The following ARHGAP26 variants were observed in gnomAD, a reference collection of about 807,000 sequenced individuals.
The protein encoded by ARHGAP26 is Rho GTPase activating protein 26.
Under a neutral mutation model 104.8 loss-of-function variants are expected in ARHGAP26, and 38 were observed. That is an observed-to-expected ratio of 0.36 (90% CI 0.28 to 0.48). The LOEUF is 0.48. ARHGAP26 is among the 20% of genes least tolerant of loss of function. The probability of loss-of-function intolerance (pLI) is 0.99; values close to 1 mark genes in which losing one functional copy is unlikely to be tolerated. For missense variants in ARHGAP26, 704 were observed against 947.9 expected (o/e 0.74, Z 3.38); for synonymous variants, 341 against 340.0 (o/e 1.00, Z -0.03).
At chr5:143,054,619 G>T (rs1785526845) in intron 15 of ARHGAP26, 93 bp downstream of exon 15, 1 of 894,304 alleles carries the variant, frequency 1.1e-6, no homozygotes. Flanking sequence ...GAGAGCTGTC[G>T]GGTGGGTGTT....
intron 11 of ARHGAP26, among the ~76,000 whole-genome samples, chr5:142,970,719 G>A (rs1479811024): frequency 1.2e-4 from 19 of 152,312 alleles, no homozygotes; most frequent in African/African-American, 2.2e-4. Context: ...GAGAATCAAG[G>A]TGTTGTTACC....
At chr5:143,014,038 G>A in intron 11 of ARHGAP26, 42 bp from the exon 12 acceptor site, 1 of 1,593,450 alleles carries the variant, frequency 6.3e-7, no homozygotes. Flanking sequence ...CTATAGGGTG[G>A]CATAAAATGC....
At chr5:142,984,342 A>T (rs1774365682) in intron 11 of ARHGAP26, among the ~76,000 whole-genome samples, 1 of 152,226 alleles carries the variant, frequency 6.6e-6, no homozygotes, top group Non-Finnish European at 1.5e-5. Context: ...TGATTAAGGA[A>T]GAAAAGGAAA....
At chr5:143,184,807 GA>G (rs1325764664) in intron 20 of ARHGAP26, among the ~76,000 whole-genome samples, 1 of 152,158 alleles carries the variant, frequency 6.6e-6, no homozygotes, top group Non-Finnish European at 1.5e-5. Context: ...TCAAGAGACT[GA>G]AAAAGGGGAG....
intron 20 of ARHGAP26, among the ~76,000 whole-genome samples, chr5:143,183,358 C>T (rs1221483513): frequency 6.6e-6 from 1 of 152,094 alleles, no homozygotes; most frequent in African/African-American, 2.4e-5. Context: ...CTGATCTTAT[C>T]GTGGGGATTG....
intron 11 of ARHGAP26, among the ~76,000 whole-genome samples, chr5:142,965,607 A>G (rs1218869024): frequency 6.6e-6 from 1 of 152,244 alleles, no homozygotes; most frequent in Non-Finnish European, 1.5e-5. Flanking sequence ...GGATTATTAT[A>G]ATATTGGAAT....
intron 20 of ARHGAP26, among the ~76,000 whole-genome samples, chr5:143,199,682 G>A (rs956774971): frequency 1.3e-5 from 2 of 152,166 alleles, no homozygotes; most frequent in East Asian, 3.8e-4. Context: ...CCGGTGATCC[G>A]AGGCTCAGCC....
chr5:142,995,546 G>A lies in ARHGAP26; in HGVS notation c.1108-18534G>A, dbSNP rs188256388. Among the ~76,000 whole-genome samples, 308 of 152,298 alleles carry A rather than the reference G, an allele frequency of 2.0e-3. 2 individuals carry two copies. Among genetic ancestry groups the A allele is most frequent in the Middle Eastern group, 3.4e-3 (1 of 294 alleles). On this transcript the variant is annotated intron_variant, in intron 11 of 22. Coordinates refer to ENST00000645722, the MANE Select transcript of ARHGAP26 (RefSeq NM_001135608.3). ...GGAAAGGATGTGGAGAAATAGGAACGCTTTTACACTGTTGGTGGGAGTGTA... is the reference window on the plus strand; with the variant it reads ...GGAAAGGATGTGGAGAAATAGGAACACTTTTACACTGTTGGTGGGAGTGTA...
At chr5:143,185,553 CTTTTCCAAAAGCAAAT>C (rs550713455) in intron 20 of ARHGAP26, among the ~76,000 whole-genome samples, 220 of 152,226 alleles carry the variant, frequency 1.4e-3, no homozygotes, top group Middle Eastern at 6.8e-3. Context: ...TTTATTTTTG[CTTTTCCAAAAGCAAAT>C]TTTTCCAAAA....
rs142487256 is a variant in ARHGAP26, at chr5:142,796,656, A to G, written c.154+25741A>G. 1.6e-3 allele frequency among the ~76,000 whole-genome samples: 239 copies of G among 152,352 alleles called. 1 individual carries two copies. Among genetic ancestry groups the G allele is most frequent in the African/African-American group, 5.6e-3 (234 of 41,580 alleles). ...TTTAGGATAAAGTTCAGACGTCTTG[A>G]TAGGGCTTTCTGAGCCCTGTGGACT... On this transcript the variant is annotated intron_variant, in intron 1 of 22. Coordinates refer to ENST00000645722, the MANE Select transcript of ARHGAP26 (RefSeq NM_001135608.3).
At position 143,037,213 on chromosome 5, in the gene ARHGAP26, A is replaced by T; in HGVS notation, c.1162A>T (p.Ile388Phe). Residue 388 changes from isoleucine (I) to phenylalanine (F), a missense_variant, in exon 13 of 23, where the codon ATT becomes TTT. By Grantham distance (21) the Ile-to-Phe change is conservative (BLOSUM62 0). This residue lies in a region of ARHGAP26 where 287 missense variants were observed against 438.8 expected (regional missense o/e 0.65). Transcript: ENST00000645722. The stretch of plus-strand genomic sequence containing the variant: ...TCTTTCAGCTGCGCAGTTGGACAGC[A>T]TTGGCTTCAGCATAATCAGGAAATG... ...QSEGTAQLDS[I>F]GFSIIRKCIH... is the part of the protein sequence containing the mutation. The T allele has an allele frequency of 6.2e-7, 1 of 1,604,392 alleles. No individual in the cohort carries two copies. The highest frequency in any genetic ancestry group is 8.5e-7 in the Non-Finnish European group (1 of 1,172,770).
intron 17 of ARHGAP26, among the ~76,000 whole-genome samples, chr5:143,065,477 C>T (rs1467453889): frequency 6.6e-6 from 1 of 152,218 alleles, no homozygotes; most frequent in African/African-American, 2.4e-5. Flanking sequence ...GGCATAAGAG[C>T]ACAGTGGTGA....
At chr5:142,792,515 C>CA (rs1760062489) in intron 1 of ARHGAP26, among the ~76,000 whole-genome samples, 1 of 152,190 alleles carries the variant, frequency 6.6e-6, no homozygotes, top group Non-Finnish European at 1.5e-5. Flanking sequence ...GACATCTAAG[C>CA]ACTAGAGACT....
intron 11 of ARHGAP26, among the ~76,000 whole-genome samples, chr5:143,006,605 C>T (rs1402753971): frequency 1.3e-5 from 2 of 152,086 alleles, no homozygotes; most frequent in Admixed American, 6.6e-5. Flanking sequence ...AGCTGAGAAA[C>T]AGAAAAGTAG....
intron 11 of ARHGAP26, among the ~76,000 whole-genome samples, chr5:142,992,975 CTTTATT>C (rs1328848722): frequency 6.6e-6 from 1 of 151,836 alleles, no homozygotes; most frequent in Non-Finnish European, 1.5e-5. Context: ...GTCCTAAGTT[CTTTATT>C]TTTATTTTTA....
Position 143,227,477 on chromosome 5 carries a change from G to A in ARHGAP26, c.*5031G>A, listed in dbSNP as rs375573725. 2.2e-4 allele frequency: 50 copies of A among 231,322 alleles called. No homozygotes were observed. Among genetic ancestry groups the A allele is most frequent in the African/African-American group, 9.9e-4 (45 of 45,334 alleles). The allele number at this position is 231,322 out of a possible 1,614,324, so 14.3% of individuals were successfully genotyped here. ...CTCAAATGTGTTTGGCAGCCACACC[G>A]ATCGGCTGGGTGCTGAACCGCCTCT... On this transcript the variant is annotated 3_prime_UTR_variant, in exon 23 of 23. Transcript: ENST00000645722.
At chr5:143,093,702 C>T (rs1214330936) in intron 17 of ARHGAP26, among the ~76,000 whole-genome samples, 6 of 152,030 alleles carry the variant, frequency 3.9e-5, no homozygotes, top group African/African-American at 1.4e-4. Context: ...TAGTCTTTCC[C>T]TGCCTCTGCC....
At chr5:143,165,691 G>T (rs895974776) in intron 20 of ARHGAP26, among the ~76,000 whole-genome samples, 1 of 152,160 alleles carries the variant, frequency 6.6e-6, no homozygotes, top group Admixed American at 6.5e-5. Context: ...TACCCAATGG[G>T]TAATTCTTTA....
intron 11 of ARHGAP26, among the ~76,000 whole-genome samples, chr5:142,944,858 G>T (rs530422359): frequency 2.6e-5 from 4 of 152,222 alleles, no homozygotes; most frequent in Admixed American, 2.0e-4. Context: ...TTTCGCTTGT[G>T]TTCTTTCCTT....
Sources: gnomAD v4.1 joint callset for allele counts (sites outside exome capture counted in the v4.1 genomes callset) on GRCh38, gnomAD v4.1.1 for gene constraint, gnomAD v4.1.1 regional missense constraint, MANE v1.5 for transcripts, NCBI Gene and HGNC (gene_info 2026-07-23, HGNC 2026-07-21) for gene names.